Variants in BRINP1 observed in about 807,000 individuals in gnomAD.
BRINP1 encodes the protein BMP/retinoic acid inducible neural specific 1.
In BRINP1, 17 loss-of-function variants were observed where a neutral mutation model predicts 72.9. The observed-to-expected ratio is 0.23, with a 90% confidence interval of 0.16 to 0.35. The LOEUF is 0.35. BRINP1 is among the 10% of genes least tolerant of loss of function. The pLI is 1.00. For missense variants in BRINP1, 850 were observed against 1,001.6 expected (o/e 0.85, Z 2.04); for synonymous variants, 418 against 378.5 (o/e 1.10, Z -1.21).
intron 7 of BRINP1, 112 bp downstream of exon 7, chr9:119,208,607 C>T: frequency 9.1e-7 from 1 of 1,099,390 alleles, no homozygotes. Context: ...ATGCGAGGTC[C>T]TGTTTGCCAC....
chr9:119,307,389 A>G (rs1331398722), intron 2 of BRINP1, among the ~76,000 whole-genome samples: 1 of 152,170 alleles, frequency 6.6e-6, no homozygotes, highest in Non-Finnish European at 1.5e-5. Context: ...TCAAAATTGT[A>G]CCGAACTCAA....
intron 7 of BRINP1, among the ~76,000 whole-genome samples, chr9:119,186,046 G>A (rs1424648446): frequency 5.9e-5 from 9 of 152,174 alleles, no homozygotes; most frequent in Admixed American, 1.3e-4. Flanking sequence ...AGCTGCCTGG[G>A]AGGCACTCCA....
chr9:119,274,738 C>T (rs1334050222), intron 2 of BRINP1, among the ~76,000 whole-genome samples: 1 of 152,044 alleles, frequency 6.6e-6, no homozygotes, highest in Non-Finnish European at 1.5e-5. Flanking sequence ...AATTAGAAAA[C>T]TGAAGCACAG....
intron 1 of BRINP1, among the ~76,000 whole-genome samples, chr9:119,358,142 T>C (rs1457734091): frequency 1.3e-5 from 2 of 152,080 alleles, no homozygotes; most frequent in African/African-American, 4.8e-5. Flanking sequence ...TGTGACAACA[T>C]GCAAACACCT....
chr9:119,314,411 G>T (rs552838466), intron 1 of BRINP1, among the ~76,000 whole-genome samples: 1 of 152,258 alleles, frequency 6.6e-6, no homozygotes, highest in East Asian at 1.9e-4. Context: ...TCTCACCCAG[G>T]CTGGAGGGCA....
intron 3 of BRINP1, among the ~76,000 whole-genome samples, chr9:119,244,777 TC>T (rs1830297166): frequency 6.6e-6 from 1 of 152,178 alleles, no homozygotes; most frequent in Non-Finnish European, 1.5e-5. Flanking sequence ...AGAATTGCTT[TC>T]CCCCTTGGGC....
At chr9:119,247,683 A>AAAG (rs1386792428) in intron 3 of BRINP1, among the ~76,000 whole-genome samples, 4 of 128,010 alleles carry the variant, frequency 3.1e-5, no homozygotes, top group African/African-American at 8.5e-5. Flanking sequence ...AAAAAAAAAA[A>AAAG]AGAGATGACT....
chr9:119,320,433 A>G (rs1172086439), intron 1 of BRINP1, among the ~76,000 whole-genome samples: 2 of 152,206 alleles, frequency 1.3e-5, no homozygotes, highest in Non-Finnish European at 2.9e-5. Flanking sequence ...TAGAAATTCA[A>G]TAGTGGACAG....
intron 1 of BRINP1, among the ~76,000 whole-genome samples, chr9:119,366,040 A>G (rs1254390902): frequency 1.3e-5 from 2 of 151,936 alleles, no homozygotes; most frequent in African/African-American, 4.8e-5. Flanking sequence ...AGGGCTTTAC[A>G]TTTCTCCTTC....
At chr9:119,217,023 T>A (rs1250074396) in intron 5 of BRINP1, among the ~76,000 whole-genome samples, 1 of 152,192 alleles carries the variant, frequency 6.6e-6, no homozygotes, top group Non-Finnish European at 1.5e-5. Flanking sequence ...AATGAAGACA[T>A]AGCAATTAAA....
rs574953991 is a variant in BRINP1, at chr9:119,167,308, A to G, written c.2062T>C (p.Ser688Pro). 3.1e-6 allele frequency: 5 copies of G among 1,614,166 alleles called. No homozygotes were observed. The highest frequency in any genetic ancestry group is 4.2e-6 in the Non-Finnish European group (5 of 1,180,022). The change falls in exon 8 of 8, where the codon TCC becomes CCC. Residue 688 changes from serine (S) to proline (P), a missense_variant. Physicochemically the swap from Ser to Pro is moderately conservative, Grantham distance 74. Coordinates refer to ENST00000265922, the MANE Select transcript of BRINP1 (RefSeq NM_014618.3). This position sits in a 1 kb window ranked among gnomAD's most constrained non-coding sequence, Gnocchi z 4.3. ...QSYTQGGQFY[S>P]SSSVMLLLLD... ...AAGAGGAGCATCACTGACGAAGAGG[A>G]ATAGAACTGGCCGCCCTGTGTGTAG...
At chr9:119,187,875 C>A (rs919247462) in intron 7 of BRINP1, among the ~76,000 whole-genome samples, 35 of 151,824 alleles carry the variant, frequency 2.3e-4, no homozygotes, top group African/African-American at 8.0e-4. Context: ...TTAAAAAGAA[C>A]CAAAGAGAAA....
intron 2 of BRINP1, among the ~76,000 whole-genome samples, chr9:119,277,442 G>C (rs184986596): frequency 6.6e-6 from 1 of 152,118 alleles, no homozygotes; most frequent in Non-Finnish European, 1.5e-5. Flanking sequence ...TAGCTTGATG[G>C]TGAGGATGTT....
chr9:119,194,543 G>C (rs1315712749), intron 7 of BRINP1, among the ~76,000 whole-genome samples: 1 of 152,200 alleles, frequency 6.6e-6, no homozygotes, highest in Non-Finnish European at 1.5e-5. Context: ...TTTAGAAGCA[G>C]AGAGTTTTCT....
chr9:119,346,500 G>A (rs373759469), intron 1 of BRINP1, among the ~76,000 whole-genome samples: 2 of 152,190 alleles, frequency 1.3e-5, no homozygotes, highest in African/African-American at 4.8e-5. Context: ...AACAGTCAGG[G>A]CATAACATCA....
In BRINP1 at chr9:119,167,589, T is replaced by C. The variant is rs537118855; in HGVS notation, c.1781A>G (p.Asn594Ser). Residue 594 changes from asparagine (N) to serine (S), a missense_variant, in exon 8 of 8, where the codon AAC becomes AGC. Transcript: ENST00000265922. This position sits in a 1 kb window ranked among gnomAD's most constrained non-coding sequence, Gnocchi z 4.3. ...YPRWEKIRLQ[N>S]SQCYNWTLLL... ...AAGAGTCCAGTTGTAGCACTGGCTGTTTTGGAGACGGATCTTCTCCCAGCG... is the reference window on the plus strand; with the variant it reads ...AAGAGTCCAGTTGTAGCACTGGCTGCTTTGGAGACGGATCTTCTCCCAGCG... The C allele has an allele frequency of 6.2e-7, 1 of 1,614,116 alleles. No individual in the cohort carries two copies. Among genetic ancestry groups the C allele is most frequent in the South Asian group, 1.1e-5 (1 of 91,082 alleles).
chr9:119,284,474 G>C (rs969722658), intron 2 of BRINP1, among the ~76,000 whole-genome samples: 38 of 152,112 alleles, frequency 2.5e-4, no homozygotes, highest in South Asian at 1.5e-3. Context: ...CTCACTTTTG[G>C]GGGGGTGGTT....
intron 6 of BRINP1, 40 bp downstream of exon 6, chr9:119,213,879 C>G (rs748867224): frequency 6.4e-7 from 1 of 1,567,650 alleles, no homozygotes; most frequent in South Asian, 1.1e-5. Flanking sequence ...AGACTTGGCT[C>G]AAGGCCACTC....
At chr9:119,311,836 A>G (rs1334844425) in intron 2 of BRINP1, among the ~76,000 whole-genome samples, 1 of 152,250 alleles carries the variant, frequency 6.6e-6, no homozygotes, top group Non-Finnish European at 1.5e-5. Flanking sequence ...TTTGGAAGCT[A>G]TACCAGGGGA....
Sources: allele counts gnomAD v4.1 joint callset (sites outside exome capture counted in the v4.1 genomes callset), GRCh38; gene constraint gnomAD v4.1.1; non-coding constraint Gnocchi (gnomAD v3.1); transcripts MANE v1.5; gene names NCBI Gene and HGNC (gene_info 2026-07-23, HGNC 2026-07-21).